The following GPR158 variants were observed in gnomAD, a reference collection of about 807,000 sequenced individuals.
GPR158 encodes metabotropic glycine receptor.
A neutral mutation model predicts 78.2 loss-of-function variants in GPR158; 30 were observed. That is an observed-to-expected ratio of 0.38 (90% CI 0.29 to 0.52). GPR158 has a LOEUF of 0.52. Ranked by LOEUF, GPR158 falls within the 20% of genes least tolerant of loss-of-function variation. GPR158 has a pLI of 0.83. For synonymous variants in GPR158, 581 were observed against 591.1 expected (o/e 0.98, Z 0.25); for missense variants, 1,463 against 1,523.5 (o/e 0.96, Z 0.66).
intron 5 of GPR158, among the ~76,000 whole-genome samples, chr10:25,514,904 C>T (rs1470582562): frequency 6.6e-6 from 1 of 152,014 alleles, no homozygotes; most frequent in African/African-American, 2.4e-5. Context: ...GATAGATTTT[C>T]CTTTATAGGT....
chr10:25,257,820 C>T (rs551872616), intron 2 of GPR158, among the ~76,000 whole-genome samples: 49 of 152,104 alleles, frequency 3.2e-4, no homozygotes, highest in Admixed American at 4.6e-4. Flanking sequence ...ATATCACTTA[C>T]GCAAGTAGGC....
At chr10:25,279,563 T>G (rs1252698272) in intron 2 of GPR158, among the ~76,000 whole-genome samples, 1 of 152,052 alleles carries the variant, frequency 6.6e-6, no homozygotes, top group Non-Finnish European at 1.5e-5. Flanking sequence ...ATAAAGACAG[T>G]TATTTAAATT....
At chr10:25,573,446 A>ATGAG (rs1255379138) in intron 7 of GPR158, among the ~76,000 whole-genome samples, 1 of 152,226 alleles carries the variant, frequency 6.6e-6, no homozygotes, top group African/African-American at 2.4e-5. Flanking sequence ...GCCATGCTCC[A>ATGAG]TGAGTGTAGT....
intron 2 of GPR158, among the ~76,000 whole-genome samples, chr10:25,322,197 T>C (rs112150207): frequency 0.015 from 2,326 of 152,112 alleles, 66 homozygotes; most frequent in African/African-American, 0.053. Flanking sequence ...CTGGCTGACA[T>C]GGTGAAACCC....
chr10:25,326,735 G>T (rs1014544071), intron 2 of GPR158, among the ~76,000 whole-genome samples: 1 of 152,176 alleles, frequency 6.6e-6, no homozygotes, highest in African/African-American at 2.4e-5. Flanking sequence ...ATATTATTAA[G>T]AGAGTAGATC....
At chr10:25,417,950 G>A (rs992132050) in intron 4 of GPR158, among the ~76,000 whole-genome samples, 1 of 152,140 alleles carries the variant, frequency 6.6e-6, no homozygotes, top group African/African-American at 2.4e-5. Context: ...ATGTCATTGA[G>A]GGCCTGCTAG....
At chr10:25,189,167 C>G (rs1258243861) in intron 1 of GPR158, among the ~76,000 whole-genome samples, 1 of 152,192 alleles carries the variant, frequency 6.6e-6, no homozygotes, top group Non-Finnish European at 1.5e-5. Flanking sequence ...GAAATAGGAA[C>G]ACTTTTACAC....
At chr10:25,420,890 A>G (rs1180979948) in intron 4 of GPR158, among the ~76,000 whole-genome samples, 1 of 152,178 alleles carries the variant, frequency 6.6e-6, no homozygotes, top group African/African-American at 2.4e-5. Context: ...TTTTGAAATC[A>G]GAAAGAGTGA....
At chr10:25,236,190 G>A (rs549996355) in intron 2 of GPR158, among the ~76,000 whole-genome samples, 85 of 152,272 alleles carry the variant, frequency 5.6e-4, no homozygotes, top group South Asian at 2.5e-3. Flanking sequence ...CATTTAAAAA[G>A]TATTTGTAGT....
intron 2 of GPR158, among the ~76,000 whole-genome samples, chr10:25,250,068 C>A (rs1357048059): frequency 7.0e-6 from 1 of 142,466 alleles, no homozygotes; most frequent in African/African-American, 2.7e-5. Flanking sequence ...GGAATTTATC[C>A]GTTTCTTCTA....
intron 5 of GPR158, among the ~76,000 whole-genome samples, chr10:25,527,284 C>T (rs1255070162): frequency 6.6e-6 from 1 of 151,962 alleles, no homozygotes; most frequent in Non-Finnish European, 1.5e-5. Context: ...TTGATATACA[C>T]AAAACTACAC....
chr10:25,303,369 G>A (rs1323038582), intron 2 of GPR158, among the ~76,000 whole-genome samples: 4 of 152,098 alleles, frequency 2.6e-5, no homozygotes, highest in Non-Finnish European at 5.9e-5. Flanking sequence ...CCAGAGGGAG[G>A]TTTCTAGAGG....
intron 8 of GPR158, among the ~76,000 whole-genome samples, chr10:25,592,054 G>A (rs1837347925): frequency 6.6e-6 from 1 of 151,898 alleles, no homozygotes; most frequent in Non-Finnish European, 1.5e-5. Flanking sequence ...ATTTAAATCA[G>A]CTATATCCAT....
At chr10:25,500,825 C>A (rs977000102) in intron 5 of GPR158, among the ~76,000 whole-genome samples, 2 of 152,094 alleles carry the variant, frequency 1.3e-5, no homozygotes, top group African/African-American at 4.8e-5. Flanking sequence ...TAAACTGCTG[C>A]AAGGTAGAAG....
chr10:25,449,997 A>G (rs1835192341), intron 4 of GPR158, among the ~76,000 whole-genome samples: 1 of 109,000 alleles, frequency 9.2e-6, no homozygotes, highest in Non-Finnish European at 1.8e-5. Flanking sequence ...TTTAATAAAA[A>G]TGATCAGAAA....
chr10:25,264,278 A>G (rs1014737144), intron 2 of GPR158, among the ~76,000 whole-genome samples: 1 of 152,188 alleles, frequency 6.6e-6, no homozygotes, highest in African/African-American at 2.4e-5. Flanking sequence ...TGCAGTTTCC[A>G]TTATGATTTC....
At chr10:25,503,713 T>C (rs953445619) in intron 5 of GPR158, among the ~76,000 whole-genome samples, 3 of 152,170 alleles carry the variant, frequency 2.0e-5, no homozygotes, top group African/African-American at 7.2e-5. Flanking sequence ...ACCAAGTTCT[T>C]GTCCTGGCTA....
chr10:25,429,096 C>T (rs1834860842), intron 4 of GPR158, among the ~76,000 whole-genome samples: 1 of 151,966 alleles, frequency 6.6e-6, no homozygotes, highest in African/African-American at 2.4e-5. Flanking sequence ...GGATGAAATA[C>T]TATATCTGTC....
At chr10:25,399,285 G>A (rs1374646040) in intron 3 of GPR158, among the ~76,000 whole-genome samples, 2 of 152,088 alleles carry the variant, frequency 1.3e-5, no homozygotes, top group East Asian at 1.9e-4. Context: ...TAACACTTGG[G>A]GGATTATAAT....
Sources: allele counts gnomAD v4.1 joint callset (sites outside exome capture counted in the v4.1 genomes callset), GRCh38; gene constraint gnomAD v4.1.1; transcripts MANE v1.5; gene names NCBI Gene and HGNC (gene_info 2026-07-23, HGNC 2026-07-21).